NR2C2: variants seen among roughly 807,000 people sequenced by gnomAD.
NR2C2 encodes the protein Nuclear hormone receptor TR4.
Under a neutral mutation model 62.9 loss-of-function variants are expected in NR2C2, and 6 were observed. The ratio of observed to expected loss-of-function variants is 0.10; its 90% CI spans 0.05 to 0.19. The LOEUF (loss-of-function observed/expected upper bound fraction) is 0.19. Ranked by LOEUF, NR2C2 falls within the 10% of genes least tolerant of loss-of-function variation. NR2C2 has a pLI of 1.00. For missense variants in NR2C2, 479 were observed against 762.7 expected (o/e 0.63, Z 4.38); for synonymous variants, 272 against 273.8 (o/e 0.99, Z 0.07).
At chr3:14,958,474 C>A (rs2039591112) in intron 1 of NR2C2, among the ~76,000 whole-genome samples, 2 of 152,208 alleles carry the variant, frequency 1.3e-5, no homozygotes, top group African/African-American at 4.8e-5. Flanking sequence ...AAGTACTAGC[C>A]TTTAGGACTC....
At chr3:14,984,830 T>C (rs1298926113) in intron 1 of NR2C2, among the ~76,000 whole-genome samples, 3 of 151,572 alleles carry the variant, frequency 2.0e-5, no homozygotes, top group Non-Finnish European at 4.4e-5. Context: ...GATCATATGG[T>C]GGTTTTTTTT....
intron 11 of NR2C2, 147 bp from the exon 12 acceptor site, chr3:15,037,853 G>GA: frequency 1.2e-6 from 1 of 867,330 alleles, no homozygotes; most frequent in Non-Finnish European, 1.7e-6. Context: ...TCTGCAGCTG[G>GA]AAAATGAAGC....
At chr3:14,982,791 G>C (rs952313933) in intron 1 of NR2C2, among the ~76,000 whole-genome samples, 2 of 152,040 alleles carry the variant, frequency 1.3e-5, no homozygotes, top group Non-Finnish European at 2.9e-5. Context: ...GAGAGCTCCA[G>C]TACAGTGTTG....
At chr3:15,011,390 T>C (rs900081257) in intron 2 of NR2C2, among the ~76,000 whole-genome samples, 2 of 152,166 alleles carry the variant, frequency 1.3e-5, no homozygotes, top group African/African-American at 2.4e-5. Context: ...GCTCAGGTTA[T>C]GAGGGCTTCC....
intron 13 of NR2C2, among the ~76,000 whole-genome samples, chr3:15,039,691 GCTTATTGACAGAAAATT>G (rs1365406140): frequency 6.6e-6 from 1 of 152,166 alleles, no homozygotes; most frequent in Non-Finnish European, 1.5e-5. Context: ...ACAGAAAAGT[GCTTATTGACAGAAAATT>G]CTTATTGACA....
At chr3:14,967,763 C>T (rs984244918) in intron 1 of NR2C2, among the ~76,000 whole-genome samples, 1 of 152,202 alleles carries the variant, frequency 6.6e-6, no homozygotes, top group Non-Finnish European at 1.5e-5. Flanking sequence ...GTAACCAAAA[C>T]AGCATGGTAT....
intron 2 of NR2C2, among the ~76,000 whole-genome samples, chr3:15,006,582 C>G (rs1399938399): frequency 6.6e-6 from 1 of 152,050 alleles, no homozygotes; most frequent in African/African-American, 2.4e-5. Flanking sequence ...TCTCATTGTA[C>G]TCAGAAAGAA....
chr3:14,988,585 CT>C (rs1462581814), intron 1 of NR2C2, among the ~76,000 whole-genome samples: 3 of 152,218 alleles, frequency 2.0e-5, no homozygotes, highest in African/African-American at 7.2e-5. Flanking sequence ...CTTTATTAAT[CT>C]TTCCTTTTAC....
At chr3:15,031,876 A>G (rs57835962) in intron 9 of NR2C2, among the ~76,000 whole-genome samples, 6,258 of 151,984 alleles carry the variant, frequency 0.041, 447 homozygotes, top group African/African-American at 0.14. Context: ...CTACAGGTGC[A>G]TGCCACCACA....
intron 1 of NR2C2, among the ~76,000 whole-genome samples, chr3:14,973,252 G>T (rs2040102681): frequency 1.3e-5 from 2 of 151,544 alleles, no homozygotes; most frequent in Admixed American, 6.6e-5. Context: ...TTTTGGCAGG[G>T]TCTTGCTCTG....
intron 1 of NR2C2, among the ~76,000 whole-genome samples, chr3:14,994,825 G>A (rs894020251): frequency 2.0e-5 from 3 of 150,672 alleles, no homozygotes; most frequent in Non-Finnish European, 4.4e-5. Flanking sequence ...TGAGACAGGA[G>A]GATCGCTTGA....
intron 2 of NR2C2, 51 bp downstream of exon 2, chr3:15,004,037 C>T (rs777275033): frequency 1.8e-5 from 27 of 1,475,750 alleles, no homozygotes; most frequent in Non-Finnish European, 2.5e-5. Flanking sequence ...GAACTCTTTC[C>T]AAAAACAAAC....
chr3:14,969,957 G>C (rs1488348063), intron 1 of NR2C2, among the ~76,000 whole-genome samples: 1 of 152,178 alleles, frequency 6.6e-6, no homozygotes, highest in Non-Finnish European at 1.5e-5. Flanking sequence ...GCAAAGTTGG[G>C]TTTTCAGTGT....
At chr3:15,028,767 C>G (rs953145451) in intron 8 of NR2C2, 48 bp downstream of exon 8, 1 of 1,596,108 alleles carries the variant, frequency 6.3e-7, no homozygotes, top group African/African-American at 1.3e-5. Flanking sequence ...TGGACACCCT[C>G]CCTCTATTGT....
rs1425084055 is a variant in NR2C2 at position 15,043,829 on chromosome 3, G to C, written c.*821G>C. ...CTTTGATGACTGGTTATCTGAATTG[G>C]ATTGCAACTAGTCAGACATTAACTG... On this transcript the variant is annotated 3_prime_UTR_variant, in exon 14 of 14. Coordinates refer to ENST00000425241, the MANE Select transcript of NR2C2 (RefSeq NM_001291694.2). 2 of 152,220 alleles carry C rather than the reference G, an allele frequency of 1.3e-5. No homozygotes were observed. Among genetic ancestry groups the C allele is most frequent in the African/African-American group, 4.8e-5 (2 of 41,454 alleles). 9.4% of individuals were successfully genotyped at this position (152,220 alleles called of 1,614,324 possible). A position where few individuals can be genotyped will look rare whatever the true frequency, so the allele number is the denominator to read the frequency against.
At position 15,039,246 on chromosome 3, in the gene NR2C2, T is replaced by G. The variant is rs1559311820; in HGVS notation, c.1616+19T>G. On this transcript the variant is annotated intron_variant, in intron 13 of 13. Coordinates refer to ENST00000425241, the MANE Select transcript of NR2C2 (RefSeq NM_001291694.2). ...CCTACCGGTGAGGCATTCAGGCATATGCGCTCTTGCTTGGGGCTGCAAGGA... is the reference window on the plus strand; with the variant it reads ...CCTACCGGTGAGGCATTCAGGCATAGGCGCTCTTGCTTGGGGCTGCAAGGA... 4.6e-6 allele frequency: 7 copies of G among 1,523,094 alleles called. No homozygotes were observed. The Admixed American group carries it at 1.2e-4, about 25-fold the overall frequency. 94.3% of individuals were successfully genotyped at this position (1,523,094 alleles called of 1,614,324 possible). A position where few individuals can be genotyped will look rare whatever the true frequency, so the allele number is the denominator to read the frequency against.
chr3:15,038,939 A>T (rs1019593440), intron 12 of NR2C2, 183 bp from the exon 13 acceptor site: 5 of 588,086 alleles, frequency 8.5e-6, no homozygotes, highest in Non-Finnish European at 1.5e-5. Context: ...CAGGAACTTC[A>T]GGCCTGGGCA....
intron 10 of NR2C2, among the ~76,000 whole-genome samples, chr3:15,032,965 C>T (rs918541365): frequency 8.2e-6 from 1 of 121,710 alleles, no homozygotes; most frequent in Non-Finnish European, 1.7e-5. Flanking sequence ...CTACAGGAAA[C>T]CCCCCCCCCT....
intron 1 of NR2C2, among the ~76,000 whole-genome samples, chr3:14,965,351 A>C (rs1004384944): frequency 2.6e-5 from 4 of 151,914 alleles, no homozygotes; most frequent in Non-Finnish European, 4.4e-5. Context: ...CTATATCACA[A>C]GTCGTCAGGC....
Sources: gnomAD v4.1 joint callset for allele counts (sites outside exome capture counted in the v4.1 genomes callset) on GRCh38, gnomAD v4.1.1 for gene constraint, MANE v1.5 for transcripts, NCBI Gene and HGNC (gene_info 2026-07-23, HGNC 2026-07-21) for gene names.